Variants in ADCY2 observed in about 807,000 individuals in gnomAD.
ADCY2 encodes adenylate cyclase 2, also known as adenylate cyclase type 2.
ADCY2 carries 31 observed loss-of-function variants against 125.2 expected under a neutral mutation model. The observed-to-expected ratio is 0.25, with a 90% CI of 0.19 to 0.33. The LOEUF (loss-of-function observed/expected upper bound fraction) is 0.33, where lower values mean the gene tolerates loss of function less well. ADCY2 is among the 10% of genes least tolerant of loss of function. The pLI is 1.00. For synonymous variants in ADCY2, 512 were observed against 548.4 expected, an observed-to-expected ratio of 0.93 and a Z score of 0.93; for missense variants, 904 against 1,418.2, an observed-to-expected ratio of 0.64 and a Z score of 5.82.
At chr5:7,639,634 T>C (rs2126672116) in intron 4 of ADCY2, among the ~76,000 whole-genome samples, 1 of 152,360 alleles carries the variant, frequency 6.6e-6, no homozygotes, top group Admixed American at 6.5e-5. Context: ...TGTATGCAGG[T>C]TAAATGCAAT....
intron 3 of ADCY2, among the ~76,000 whole-genome samples, chr5:7,581,476 A>C (rs1736430314): frequency 6.6e-6 from 1 of 151,398 alleles, no homozygotes; most frequent in Non-Finnish European, 1.5e-5. Context: ...AAATCCAATC[A>C]ATTAATTGAA....
In ADCY2 at chr5:7,820,809, T is replaced by C. The variant is rs564708854; in HGVS notation, c.3123+120T>C. 2.7e-3 allele frequency: 3,427 copies of C among 1,271,622 alleles called. 11 individuals are homozygous for C. The highest frequency in any genetic ancestry group is 3.3e-3 in the Non-Finnish European group (3,272 of 984,176). The allele number at this position is 1,271,622 out of a possible 1,614,324, so 78.8% of individuals were successfully genotyped here. A position where few individuals can be genotyped will look rare whatever the true frequency, so the allele number is the denominator to read the frequency against. On this transcript the variant is annotated intron_variant, in intron 24 of 24. Transcript: ENST00000338316. ...CAAAGGAAAAAAGTAAACCTTGAAATTTACTTATCTTTTGGAGAACAATTT... is the reference window on the plus strand; with the variant it reads ...CAAAGGAAAAAAGTAAACCTTGAAACTTACTTATCTTTTGGAGAACAATTT...
At chr5:7,789,985 C>T (rs961594946) in intron 20 of ADCY2, among the ~76,000 whole-genome samples, 185 bp downstream of exon 20, 2 of 152,146 alleles carry the variant, frequency 1.3e-5, no homozygotes, top group East Asian at 1.9e-4. Context: ...TAGAGATATC[C>T]GTTGAGAATA....
At chr5:7,790,044 A>G (rs1744204187) in intron 20 of ADCY2, among the ~76,000 whole-genome samples, 1 of 152,210 alleles carries the variant, frequency 6.6e-6, no homozygotes, top group Non-Finnish European at 1.5e-5. Flanking sequence ...TGGATTCATT[A>G]TTAGAGATTT....
chr5:7,504,657 G>C (rs1231209584), intron 2 of ADCY2, among the ~76,000 whole-genome samples: 5 of 146,414 alleles, frequency 3.4e-5, no homozygotes, highest in Non-Finnish European at 7.5e-5. Context: ...CTGTTGCCTG[G>C]GCTGGAGTGC....
chr5:7,669,621 G>A (rs1050884287), intron 4 of ADCY2, among the ~76,000 whole-genome samples: 6 of 152,158 alleles, frequency 3.9e-5, no homozygotes, highest in East Asian at 1.9e-4. Flanking sequence ...AAATGTCAGC[G>A]CATTTCATGT....
chr5:7,776,949 T>G (rs1215143761), intron 18 of ADCY2, among the ~76,000 whole-genome samples: 3 of 152,118 alleles, frequency 2.0e-5, no homozygotes, highest in Non-Finnish European at 4.4e-5. Context: ...CTTTGGGACT[T>G]GGACTGAGCC....
At chr5:7,669,433 G>C (rs927507709) in intron 4 of ADCY2, among the ~76,000 whole-genome samples, 1 of 152,240 alleles carries the variant, frequency 6.6e-6, no homozygotes, top group East Asian at 1.9e-4. Flanking sequence ...GAGGATCTGG[G>C]TGCATTGGGA....
intron 16 of ADCY2, among the ~76,000 whole-genome samples, chr5:7,760,854 T>G (rs1279963515): frequency 1.3e-5 from 2 of 152,160 alleles, no homozygotes; most frequent in African/African-American, 4.8e-5. Flanking sequence ...TCCAGATGCA[T>G]TCATCCCACA....
At chr5:7,775,563 G>C (rs1301728374) in intron 18 of ADCY2, among the ~76,000 whole-genome samples, 1 of 148,978 alleles carries the variant, frequency 6.7e-6, no homozygotes, top group Non-Finnish European at 1.5e-5. Flanking sequence ...GCTGATTTTT[G>C]TATTTTTAGT....
intron 2 of ADCY2, among the ~76,000 whole-genome samples, chr5:7,489,215 A>T (rs2126485398): frequency 6.6e-6 from 1 of 152,308 alleles, no homozygotes; most frequent in South Asian, 2.1e-4. Context: ...ACCTGTTAGC[A>T]GAGTTCTCAC....
intron 2 of ADCY2, among the ~76,000 whole-genome samples, chr5:7,459,503 T>G (rs1441673889): frequency 6.6e-6 from 1 of 152,208 alleles, no homozygotes; most frequent in Non-Finnish European, 1.5e-5. Flanking sequence ...CTTTTCCTAG[T>G]AATTCGCCTC....
chr5:7,806,135 T>G (rs996778317), intron 22 of ADCY2, among the ~76,000 whole-genome samples: 2 of 152,168 alleles, frequency 1.3e-5, no homozygotes, highest in African/African-American at 2.4e-5. Flanking sequence ...AACATTAAAG[T>G]GTTAAAAAAA....
At chr5:7,805,677 C>T (rs1410610373) in intron 22 of ADCY2, among the ~76,000 whole-genome samples, 1 of 152,068 alleles carries the variant, frequency 6.6e-6, no homozygotes, top group Non-Finnish European at 1.5e-5. Flanking sequence ...TGTATGAGCC[C>T]CTCTCCCATA....
chr5:7,611,561 A>G (rs1737572255), intron 3 of ADCY2, among the ~76,000 whole-genome samples: 1 of 152,178 alleles, frequency 6.6e-6, no homozygotes. Context: ...TCAAAATTCT[A>G]GTAGGCTTGG....
chr5:7,467,485 A>T (rs1239330877), intron 2 of ADCY2, among the ~76,000 whole-genome samples: 1 of 152,186 alleles, frequency 6.6e-6, no homozygotes, highest in Non-Finnish European at 1.5e-5. Context: ...TTTTGTGCAT[A>T]CATGCAACTT....
In ADCY2 at chr5:7,396,929, A is replaced by C. The variant is rs1403773638; in HGVS notation, c.210+423A>C. On this transcript the variant is annotated intron_variant, in intron 1 of 24. Transcript: ENST00000338316. The surrounding 1 kb of genome is among the most constrained non-coding windows in gnomAD (Gnocchi z 5.7). The stretch of plus-strand genomic sequence containing the variant: ...TGCCCGGTTCCACTGGCATGGCCCC[A>C]CAGTTGGCATTTTAGTTGGGATTGG... Among the ~76,000 whole-genome samples, 1 of 152,204 alleles carries C rather than the reference A, an allele frequency of 6.6e-6. No individual in the cohort carries two copies. The highest frequency in any genetic ancestry group is 1.5e-5 in the Non-Finnish European group (1 of 68,020).
chr5:7,481,231 T>C (rs1162688083), intron 2 of ADCY2, among the ~76,000 whole-genome samples: 1 of 152,154 alleles, frequency 6.6e-6, no homozygotes. Context: ...TCTCCGATAA[T>C]GAATGATGTT....
chr5:7,756,913 A>T (rs1743010983), intron 15 of ADCY2, among the ~76,000 whole-genome samples: 1 of 152,166 alleles, frequency 6.6e-6, no homozygotes, highest in South Asian at 2.1e-4. Flanking sequence ...ACCAGACGAG[A>T]CCACACAAAG....
Sources: allele counts gnomAD v4.1 joint callset (sites outside exome capture counted in the v4.1 genomes callset), GRCh38; gene constraint gnomAD v4.1.1; non-coding constraint Gnocchi (gnomAD v3.1); transcripts MANE v1.5; gene names NCBI Gene and HGNC (gene_info 2026-07-23, HGNC 2026-07-21).